Variants in TRPM2 observed in about 807,000 individuals in gnomAD.
TRPM2 encodes estrogen-responsive element-associated gene 1 protein.
Under a neutral mutation model 174.0 loss-of-function variants are expected in TRPM2, and 161 were observed. The ratio of observed to expected loss-of-function variants is 0.93; its 90% CI spans 0.81 to 1.05. The LOEUF is 1.05. TRPM2 is among the 50% of genes least tolerant of loss of function. TRPM2 has a pLI of 0.00. For synonymous variants in TRPM2, 954 were observed against 861.3 expected (o/e 1.11, Z -1.88); for missense variants, 2,057 against 2,038.0 (o/e 1.01, Z -0.18).
intron 19 of TRPM2, among the ~76,000 whole-genome samples, chr21:44,413,336 G>A (rs1440470633): frequency 3.3e-5 from 5 of 149,948 alleles, no homozygotes; most frequent in Admixed American, 6.7e-5. Flanking sequence ...CCTCCCTCCC[G>A]GATTCAAGTG....
At chr21:44,355,236 T>TG (rs1569006389) in intron 2 of TRPM2, among the ~76,000 whole-genome samples, 1 of 132,556 alleles carries the variant, frequency 7.5e-6, no homozygotes, top group Non-Finnish European at 1.6e-5. Context: ...AGCCCACGAC[T>TG]CAGGTGTGGC....
intron 22 of TRPM2, chr21:44,422,156 C>A: frequency 1.6e-6 from 2 of 1,271,970 alleles, no homozygotes; most frequent in Non-Finnish European, 2.1e-6. Flanking sequence ...CTAGCCTGGT[C>A]ACCGTCCCCT....
chr21:44,360,816 C>T (rs1001704743), intron 2 of TRPM2, among the ~76,000 whole-genome samples: 1 of 152,174 alleles, frequency 6.6e-6, no homozygotes, highest in African/African-American at 2.4e-5. Flanking sequence ...ATCTGCCTGC[C>T]TCGGCCTCCC....
intron 20 of TRPM2, chr21:44,414,832 T>A (rs1003459617): frequency 7.9e-5 from 12 of 152,220 alleles, no homozygotes; most frequent in African/African-American, 2.7e-4. Flanking sequence ...AAACTCGGGC[T>A]GTGCAGACTC....
chr21:44,370,498 C>G (rs949184347), intron 5 of TRPM2, among the ~76,000 whole-genome samples: 6 of 152,198 alleles, frequency 3.9e-5, no homozygotes, highest in African/African-American at 1.4e-4. Flanking sequence ...TGGTATGATG[C>G]GTGTGTGCCC....
In TRPM2 at chr21:44,425,604, T is replaced by A. The variant is rs1055266171; in HGVS notation, c.3638-66T>A. 2.1e-6 allele frequency: 3 copies of A among 1,429,292 alleles called. No individual in the cohort carries two copies. In the African/African-American group the frequency reaches 4.3e-5, roughly 21 times the overall value. The allele number at this position is 1,429,292 out of a possible 1,614,324, so 88.5% of individuals were successfully genotyped here. ...GGCGGAAGGACCACAGAGGAAGTCC[T>A]TGTCCTGCGGGCGGGCACCTGAGCC... On this transcript the variant is annotated intron_variant, in intron 24 of 31. Transcript: ENST00000397928.
intron 8 of TRPM2, among the ~76,000 whole-genome samples, chr21:44,381,572 AGATG>A (rs776756954): frequency 6.6e-6 from 1 of 151,298 alleles, no homozygotes; most frequent in Non-Finnish European, 1.5e-5. Flanking sequence ...TAGGTAGATT[AGATG>A]GATGGATGGA....
At chr21:44,374,105 G>A (rs944181893) in intron 5 of TRPM2, among the ~76,000 whole-genome samples, 6 of 151,954 alleles carry the variant, frequency 3.9e-5, no homozygotes, top group Non-Finnish European at 7.4e-5. Flanking sequence ...CCACCTTCCG[G>A]GTTCAAGCAA....
chr21:44,407,914 A>T (rs1358157402), intron 19 of TRPM2, among the ~76,000 whole-genome samples: 1 of 151,284 alleles, frequency 6.6e-6, no homozygotes, highest in Non-Finnish European at 1.5e-5. Context: ...AAAAAATTTT[A>T]AATTAATTAA....
chr21:44,381,982 ATAGATAG>A (rs2048894048), intron 8 of TRPM2, among the ~76,000 whole-genome samples: 1 of 151,492 alleles, frequency 6.6e-6, no homozygotes, highest in Non-Finnish European at 1.5e-5. Context: ...AGATAGATAG[ATAGATAG>A]ATAGATGGAT....
chr21:44,437,252 C>A (rs1049768835), intron 29 of TRPM2, 85 bp downstream of exon 29: 195 of 1,305,188 alleles, frequency 1.5e-4, no homozygotes, highest in Non-Finnish European at 2.7e-5. Flanking sequence ...ACGGACTGGA[C>A]ACCAGCCCCC....
chr21:44,382,582 T>C (rs1475428801), intron 8 of TRPM2, 136 bp from the exon 9 acceptor site: 1 of 690,114 alleles, frequency 1.4e-6, no homozygotes, highest in East Asian at 2.8e-5. Context: ...CAAGAGGAGA[T>C]GTGGTGGTGT....
Position 44,356,950 on chromosome 21 carries a change from C to T in TRPM2, c.254+2214C>T, listed in dbSNP as rs555234585. Among the ~76,000 whole-genome samples the T allele has an allele frequency of 1.1e-4, 16 of 152,238 alleles. No individual in the cohort carries two copies. The South Asian group carries it at 1.7e-3, about 16-fold the overall frequency. On this transcript the variant is annotated intron_variant, in intron 2 of 31. Coordinates refer to ENST00000397928, the MANE Select transcript of TRPM2 (RefSeq NM_003307.4). The stretch of plus-strand genomic sequence containing the variant: ...TTACATGTTAATATGTTATAATTAG[C>T]GTGTAATGGGCAGCGAGGATAACCA...
In TRPM2 at chr21:44,431,892, G is replaced by A. The variant is rs140033183; in HGVS notation, c.3975-3239G>A. 5.0e-4 allele frequency among the ~76,000 whole-genome samples: 76 copies of A among 152,242 alleles called. 1 individual carries two copies. Among genetic ancestry groups the A allele is most frequent in the East Asian group, 2.3e-3 (12 of 5,188 alleles). On this transcript the variant is annotated intron_variant, in intron 27 of 31. Coordinates refer to ENST00000397928, the MANE Select transcript of TRPM2 (RefSeq NM_003307.4). ...GAAATTGAAATGTCCTCCGTGGCCCGTCTCTACCCTGGGTTGTTGCAGCTG... is the reference window on the plus strand; with the variant it reads ...GAAATTGAAATGTCCTCCGTGGCCCATCTCTACCCTGGGTTGTTGCAGCTG...
Position 44,366,291 on chromosome 21 carries a change from GGAGAGGGGACAGGAGAGGGGA to G in TRPM2, c.424-462_424-442del, listed in dbSNP as rs1569020090. ...AGGAGAGGGGACAGGAGAGGGGACA[GGAGAGGGGACAGGAGAGGGGA>G]CAGGAGAGGGGGCAGTGCTGGGTGC... On this transcript the variant is annotated intron_variant, in intron 3 of 31. Transcript: ENST00000397928. The surrounding 1 kb of genome is among the most constrained non-coding windows in gnomAD (Gnocchi z 6.0). Among the ~76,000 whole-genome samples, 10 of 150,956 alleles carry G rather than the reference GGAGAGGGGACAGGAGAGGGGA, an allele frequency of 6.6e-5. No homozygotes were observed. The highest frequency in any genetic ancestry group is 2.4e-4 in the African/African-American group (10 of 40,864).
chr21:44,382,753 T>A lies in TRPM2; in HGVS notation c.1251T>A (p.Thr417=). ...TCGTCCGGAGGCGGCAGCTGCTGAC[T>A]GTCTTCCGGGAAGGCAAGGATGGTC... The part of the protein sequence containing the change: ...QDIVRRRQLL[T]VFREGKDGQQ... Residue 417 remains threonine, a synonymous_variant, in exon 9 of 32, where the codon ACT becomes ACA. Transcript: ENST00000397928. 1.2e-5 allele frequency: 20 copies of A among 1,614,114 alleles called. No homozygotes were observed. Among genetic ancestry groups the A allele is most frequent in the Non-Finnish European group, 1.7e-5 (20 of 1,180,020 alleles).
chr21:44,440,316 A>AGATTCCGTCTC (rs1285371771), intron 30 of TRPM2, among the ~76,000 whole-genome samples: 1 of 150,874 alleles, frequency 6.6e-6, no homozygotes, highest in African/African-American at 2.4e-5. Context: ...AAAAAAAAAA[A>AGATTCCGTCTC]AAAAAAAAAA....
rs1454655890 is a variant in TRPM2, at chr21:44,438,998, G to A, written c.4168-69G>A. ...CGCCGGGCAGGAGGCCAGTGGAGAC[G>A]GGTGCCAGGGCAGCCTGAGGTCCCG... is the stretch of plus-strand genomic sequence containing the variant. On this transcript the variant is annotated intron_variant, in intron 29 of 31. Coordinates refer to ENST00000397928, the MANE Select transcript of TRPM2 (RefSeq NM_003307.4). The surrounding 1 kb of genome is among the most constrained non-coding windows in gnomAD (Gnocchi z 5.9). 9.6e-6 allele frequency: 13 copies of A among 1,356,768 alleles called. No individual in the cohort carries two copies. The highest frequency in any genetic ancestry group is 2.3e-4 in the Middle Eastern group (1 of 4,372). 84.0% of individuals were successfully genotyped at this position (1,356,768 alleles called of 1,614,324 possible).
chr21:44,397,210 T>TG (rs1174489383), intron 12 of TRPM2, among the ~76,000 whole-genome samples: 1 of 151,952 alleles, frequency 6.6e-6, no homozygotes, highest in Non-Finnish European at 1.5e-5. Flanking sequence ...GGCTAATTTT[T>TG]TATAATTTAG....
Sources: gnomAD v4.1 joint callset for allele counts (sites outside exome capture counted in the v4.1 genomes callset) on GRCh38, gnomAD v4.1.1 for gene constraint, Gnocchi (gnomAD v3.1) non-coding constraint, MANE v1.5 for transcripts, NCBI Gene and HGNC (gene_info 2026-07-23, HGNC 2026-07-21) for gene names.